The following BCAS3 variants were observed in gnomAD, a reference collection of about 807,000 sequenced individuals.
BCAS3 encodes BCAS3 microtubule associated cell migration factor, also known as BCAS4/BCAS3 fusion.
In BCAS3, 53 loss-of-function variants were observed where a neutral mutation model predicts 116.1. The ratio of observed to expected loss-of-function variants is 0.46; its 90% confidence interval spans 0.37 to 0.57. The LOEUF is 0.57. Among genes scored for constraint, BCAS3 ranks in the 20% least tolerant of loss-of-function variants. The pLI is 0.00. For synonymous variants in BCAS3, 391 were observed against 408.2 expected (o/e 0.96, Z 0.51); for missense variants, 917 against 1,165.4 (o/e 0.79, Z 3.10).
chr17:60,953,580 A>G (rs958859988), intron 14 of BCAS3, among the ~76,000 whole-genome samples: 4 of 151,972 alleles, frequency 2.6e-5, no homozygotes, highest in African/African-American at 4.8e-5. Context: ...ATTGGAGCCC[A>G]TTTGTCAATT....
At chr17:61,045,955 AT>A (rs1343266379) in intron 19 of BCAS3, among the ~76,000 whole-genome samples, 1 of 11,564 alleles carries the variant, frequency 8.6e-5, no homozygotes, top group Non-Finnish European at 1.1e-4. Context: ...ATATATATAA[AT>A]ATATATATAA....
intron 5 of BCAS3, among the ~76,000 whole-genome samples, chr17:60,717,679 C>G (rs2038788559): frequency 6.6e-6 from 1 of 152,146 alleles, no homozygotes; most frequent in Non-Finnish European, 1.5e-5. Context: ...CAAAGTTGGA[C>G]TTTTACGGTG....
At chr17:61,067,273 G>GTATATATA (rs1199603635) in intron 19 of BCAS3, among the ~76,000 whole-genome samples, 1,760 of 58,630 alleles carry the variant, frequency 0.03, 62 homozygotes, top group Non-Finnish European at 0.033. Context: ...GTGTGTATGT[G>GTATATATA]TATATATATA....
At chr17:60,874,177 C>G (rs917042764) in intron 8 of BCAS3, among the ~76,000 whole-genome samples, 3 of 152,122 alleles carry the variant, frequency 2.0e-5, no homozygotes, top group Non-Finnish European at 4.4e-5. Flanking sequence ...AGTGATCCTC[C>G]TGCCTCAGCC....
intron 12 of BCAS3, among the ~76,000 whole-genome samples, chr17:60,924,142 A>G (rs1295316727): frequency 6.6e-6 from 1 of 152,174 alleles, no homozygotes; most frequent in Non-Finnish European, 1.5e-5. Flanking sequence ...CTCTGAACCT[A>G]TACTTGAAGA....
rs776560231 is a variant in BCAS3, at chr17:60,990,708, G to A, written c.1486+473G>A. On this transcript the variant is annotated intron_variant, in intron 15 of 23. Coordinates refer to ENST00000407086, the MANE Select transcript of BCAS3 (RefSeq NM_017679.5). This position sits in a 1 kb window ranked among gnomAD's most constrained non-coding sequence, Gnocchi z 5.1. ...GTAGCCTGGGCTGGCATGCAATGGC[G>A]TGATCTCGGCTGACTGCAACCTCTA... Among the ~76,000 whole-genome samples the A allele has an allele frequency of 2.6e-5, 4 of 151,658 alleles. No homozygotes were observed. Among genetic ancestry groups the A allele is most frequent in the Non-Finnish European group, 5.9e-5 (4 of 67,968 alleles).
intron 4 of BCAS3, among the ~76,000 whole-genome samples, chr17:60,695,421 A>G (rs1206136117): frequency 5.3e-5 from 8 of 151,990 alleles, no homozygotes; most frequent in African/African-American, 1.9e-4. Context: ...CCTGTACCAC[A>G]TTTTATTTTA....
At position 61,326,948 on chromosome 17, in the gene BCAS3, A is replaced by T. The variant is rs1481436273; in HGVS notation, c.2426-41379A>T. 2.6e-5 allele frequency among the ~76,000 whole-genome samples: 4 copies of T among 152,210 alleles called. No homozygotes were observed. Among genetic ancestry groups the T allele is most frequent in the African/African-American group, 9.6e-5 (4 of 41,464 alleles). On this transcript the variant is annotated intron_variant, in intron 22 of 23. Coordinates refer to ENST00000407086, the MANE Select transcript of BCAS3 (RefSeq NM_017679.5). This position sits in a 1 kb window ranked among gnomAD's most constrained non-coding sequence, Gnocchi z 5.3. The stretch of plus-strand genomic sequence containing the variant: ...TAGAGGAAGAAAAGAAAAAAGAAAT[A>T]ACAAATAGTAGAAGGAAAAATATTT...
chr17:61,060,759 C>A (rs1324576932), intron 19 of BCAS3, among the ~76,000 whole-genome samples: 1 of 152,198 alleles, frequency 6.6e-6, no homozygotes. Context: ...CAACATTCTA[C>A]CACAAAGTAT....
rs1001664896 is a variant in BCAS3 at position 61,391,846 on chromosome 17, C to T, written c.2594-131C>T. ...GCCCCCTGCCCATCCAGGGAGCAGGCGGGGATCCCCCTGCGGAAGGACACA... is the reference window on the plus strand; with the variant it reads ...GCCCCCTGCCCATCCAGGGAGCAGGTGGGGATCCCCCTGCGGAAGGACACA... On this transcript the variant is annotated intron_variant, in intron 23 of 23. Transcript: ENST00000407086. The surrounding 1 kb of genome is among the most constrained non-coding windows in gnomAD (Gnocchi z 7.7). The T allele has an allele frequency of 2.5e-5, 24 of 976,236 alleles. No homozygotes were observed. Among genetic ancestry groups the T allele is most frequent in the Admixed American group, 6.7e-5 (3 of 45,082 alleles). The allele number at this position is 976,236 out of a possible 1,614,324, so 60.5% of individuals were successfully genotyped here.
chr17:61,288,245 A>G (rs1415895824), intron 22 of BCAS3, among the ~76,000 whole-genome samples: 1 of 152,140 alleles, frequency 6.6e-6, no homozygotes, highest in Non-Finnish European at 1.5e-5. Context: ...TTGCTGTGCT[A>G]TTATCGGTAG....
chr17:61,146,252 G>A (rs1251424440), intron 22 of BCAS3, among the ~76,000 whole-genome samples: 2 of 151,114 alleles, frequency 1.3e-5, no homozygotes, highest in Non-Finnish European at 2.9e-5. Flanking sequence ...GATTACAGGT[G>A]TAAGCCACTA....
chr17:60,798,995 T>A (rs2047456588), intron 6 of BCAS3, among the ~76,000 whole-genome samples: 1 of 152,218 alleles, frequency 6.6e-6, no homozygotes, highest in South Asian at 2.1e-4. Context: ...TGACCTCAGG[T>A]CTTTTGCCCA....
At chr17:61,374,064 C>T (rs1011680375) in intron 23 of BCAS3, among the ~76,000 whole-genome samples, 7 of 149,858 alleles carry the variant, frequency 4.7e-5, no homozygotes, top group African/African-American at 1.7e-4. Flanking sequence ...GATCTGCCCA[C>T]CTCAGCCTCC....
intron 6 of BCAS3, among the ~76,000 whole-genome samples, chr17:60,784,748 G>A (rs900348446): frequency 6.6e-6 from 1 of 151,878 alleles, no homozygotes; most frequent in Non-Finnish European, 1.5e-5. Flanking sequence ...TGAGAGGAAT[G>A]TTTATTTTAA....
intron 6 of BCAS3, among the ~76,000 whole-genome samples, chr17:60,799,886 C>T (rs1367965680): frequency 6.6e-6 from 1 of 151,558 alleles, no homozygotes; most frequent in African/African-American, 2.4e-5. Flanking sequence ...TTTACTAGTA[C>T]AGTGCTCTTG....
At chr17:61,173,009 G>C (rs201631757) in intron 22 of BCAS3, among the ~76,000 whole-genome samples, 1 of 79,450 alleles carries the variant, frequency 1.3e-5, no homozygotes, top group Non-Finnish European at 3.4e-5. Flanking sequence ...TAAATAAATA[G>C]GATTTAAGTC....
intron 5 of BCAS3, among the ~76,000 whole-genome samples, chr17:60,745,173 A>T (rs900838831): frequency 4.6e-5 from 7 of 152,054 alleles, no homozygotes; most frequent in African/African-American, 1.7e-4. Flanking sequence ...GTTTTAGAAT[A>T]CTATAATTTA....
At chr17:60,899,151 G>T (rs2057706659) in intron 10 of BCAS3, among the ~76,000 whole-genome samples, 2 of 152,200 alleles carry the variant, frequency 1.3e-5, no homozygotes, top group African/African-American at 4.8e-5. Flanking sequence ...TGGGTGAGGG[G>T]CCCTGAGGCT....
Sources: gnomAD v4.1 joint callset for allele counts (sites outside exome capture counted in the v4.1 genomes callset) on GRCh38, gnomAD v4.1.1 for gene constraint, Gnocchi (gnomAD v3.1) non-coding constraint, MANE v1.5 for transcripts, NCBI Gene and HGNC (gene_info 2026-07-23, HGNC 2026-07-21) for gene names.